The following PRKCA variants were observed in gnomAD, a reference collection of about 807,000 sequenced individuals.
The protein encoded by PRKCA is protein kinase C alpha type.
Under a neutral mutation model 87.0 loss-of-function variants are expected in PRKCA, and 27 were observed. That is an observed-to-expected ratio of 0.31 (90% confidence interval 0.23 to 0.43). The LOEUF (loss-of-function observed/expected upper bound fraction) is 0.43. Ranked by LOEUF, PRKCA falls within the 20% of genes least tolerant of loss-of-function variation. The pLI, the probability that PRKCA is intolerant of heterozygous loss-of-function variation, is 1.00. For missense variants in PRKCA, 518 were observed against 852.3 expected (o/e 0.61, Z 4.88); for synonymous variants, 329 against 311.1 (o/e 1.06, Z -0.61).
intron 3 of PRKCA, among the ~76,000 whole-genome samples, chr17:66,515,135 A>G (rs1966924090): frequency 6.6e-6 from 1 of 152,052 alleles, no homozygotes; most frequent in Admixed American, 6.5e-5. Flanking sequence ...CTGCGCCTCT[A>G]GTCCCAGCTA....
chr17:66,532,540 A>AT (rs925532986), intron 3 of PRKCA, among the ~76,000 whole-genome samples: 1 of 151,494 alleles, frequency 6.6e-6, no homozygotes, highest in Non-Finnish European at 1.5e-5. Flanking sequence ...TAATTTTTGT[A>AT]TTTTTAGTAG....
At chr17:66,768,262 G>GT (rs1555647117) in intron 13 of PRKCA, among the ~76,000 whole-genome samples, 14 of 77,788 alleles carry the variant, frequency 1.8e-4, no homozygotes, top group South Asian at 1.1e-3. Context: ...TTTTTTTTTT[G>GT]GGGGGGAGAG....
intron 8 of PRKCA, among the ~76,000 whole-genome samples, chr17:66,691,128 G>A (rs1296227642): frequency 6.6e-6 from 1 of 152,164 alleles, no homozygotes; most frequent in African/African-American, 2.4e-5. Context: ...GCAACAAAGT[G>A]AGACCCTGAC....
chr17:66,520,849 C>T (rs1364951654), intron 3 of PRKCA, among the ~76,000 whole-genome samples: 1 of 152,230 alleles, frequency 6.6e-6, no homozygotes, highest in Non-Finnish European at 1.5e-5. Context: ...TCCAGTACCA[C>T]TTGCCACTGC....
At chr17:66,508,385 G>A (rs912141443) in intron 3 of PRKCA, among the ~76,000 whole-genome samples, 1 of 152,216 alleles carries the variant, frequency 6.6e-6, no homozygotes, top group Non-Finnish European at 1.5e-5. Context: ...CTGCCGTTGG[G>A]CGTTGCCGTG....
intron 3 of PRKCA, among the ~76,000 whole-genome samples, chr17:66,570,731 G>A (rs1969057231): frequency 6.6e-6 from 1 of 152,166 alleles, no homozygotes; most frequent in Admixed American, 6.5e-5. Context: ...CTCGTCTGGA[G>A]CTGTGTATTT....
chr17:66,670,136 C>T (rs1478108273), intron 5 of PRKCA, among the ~76,000 whole-genome samples: 1 of 152,130 alleles, frequency 6.6e-6, no homozygotes, highest in East Asian at 1.9e-4. Context: ...GGCATATTCT[C>T]AGAGATGCAA....
At chr17:66,566,480 G>GTTTTTTTTT (rs56912157) in intron 3 of PRKCA, among the ~76,000 whole-genome samples, 18 of 97,016 alleles carry the variant, frequency 1.9e-4, no homozygotes, top group Non-Finnish European at 2.0e-4. Flanking sequence ...TTGTTTTTTG[G>GTTTTTTTTT]TTTTTTTTTT....
chr17:66,390,535 A>G (rs1304897139), intron 2 of PRKCA, among the ~76,000 whole-genome samples: 2 of 152,184 alleles, frequency 1.3e-5, no homozygotes, highest in South Asian at 4.1e-4. Flanking sequence ...TGTCAGTAGC[A>G]TCTGCGGTTA....
intron 8 of PRKCA, among the ~76,000 whole-genome samples, chr17:66,705,586 G>C (rs1389344831): frequency 6.6e-6 from 1 of 152,190 alleles, no homozygotes; most frequent in East Asian, 1.9e-4. Flanking sequence ...TGGCCTTGTG[G>C]GTGGATGTTG....
Position 66,805,131 on chromosome 17 carries a change from A to G in PRKCA, c.*1094A>G, listed in dbSNP as rs1341088518. 6.0e-5 allele frequency: 59 copies of G among 983,934 alleles called. No individual in the cohort carries two copies. The highest frequency in any genetic ancestry group is 6.4e-5 in the Non-Finnish European group (53 of 828,648). The allele number at this position is 983,934 out of a possible 1,614,324, so 61.0% of individuals were successfully genotyped here. On this transcript the variant is annotated 3_prime_UTR_variant, in exon 17 of 17. Coordinates refer to ENST00000413366, the MANE Select transcript of PRKCA (RefSeq NM_002737.3). ...TAGCCCTGGATGTCCACTTAGGGAT[A>G]AAAAGAATATGGTTTTGGTTCCCAT...
At chr17:66,578,840 C>T (rs1034469707) in intron 3 of PRKCA, among the ~76,000 whole-genome samples, 2 of 152,202 alleles carry the variant, frequency 1.3e-5, no homozygotes, top group African/African-American at 2.4e-5. Context: ...CCTCGGGCCC[C>T]CTTGCACTGT....
chr17:66,495,562 A>ATTTTATTTTTTTTTATTTTTTTTATT (rs1567858259), intron 2 of PRKCA, among the ~76,000 whole-genome samples: 1 of 146,828 alleles, frequency 6.8e-6, no homozygotes, highest in African/African-American at 2.7e-5. Context: ...ATTTTATTTT[A>ATTTTATTTTTTTTTATTTTTTTTATT]TTTTTTGAGA....
At chr17:66,619,448 G>T (rs1346050892) in intron 3 of PRKCA, among the ~76,000 whole-genome samples, 1 of 152,188 alleles carries the variant, frequency 6.6e-6, no homozygotes. Context: ...GGGCTGTTGG[G>T]TTTTTTCCTC....
Position 66,741,737 on chromosome 17 carries a change from C to G in PRKCA, c.1385+16C>G. 1.2e-6 allele frequency: 2 copies of G among 1,612,760 alleles called. No homozygotes were observed. Among genetic ancestry groups the G allele is most frequent in the Non-Finnish European group, 1.7e-6 (2 of 1,179,020 alleles). On this transcript the variant is annotated intron_variant, in intron 12 of 16. Transcript: ENST00000413366. The stretch of plus-strand genomic sequence containing the variant: ...TCATTTATAGGTGTGTATTGAAGCC[C>G]TCCTACCAGCAGCTCAGCAGAGAGG...
At chr17:66,588,081 T>C (rs1350921490) in intron 3 of PRKCA, among the ~76,000 whole-genome samples, 1 of 151,930 alleles carries the variant, frequency 6.6e-6, no homozygotes, top group Non-Finnish European at 1.5e-5. Flanking sequence ...CAATTTACAT[T>C]CCACCAGCAG....
At position 66,511,012 on chromosome 17, in the gene PRKCA, A is replaced by G. The variant is rs535946091; in HGVS notation, c.288+14729A>G. The stretch of plus-strand genomic sequence containing the variant: ...TCTGCCCACCCCTGCTCCCCAAATA[A>G]CGTATTTTAAAACATACAGATTATA... On this transcript the variant is annotated intron_variant, in intron 3 of 16. Coordinates refer to ENST00000413366, the MANE Select transcript of PRKCA (RefSeq NM_002737.3). Among the ~76,000 whole-genome samples the G allele has an allele frequency of 1.4e-4, 21 of 152,160 alleles. No homozygotes were observed. In the South Asian group the frequency reaches 4.2e-3, roughly 30 times the overall value.
chr17:66,624,857 G>C (rs1346230745), intron 3 of PRKCA, among the ~76,000 whole-genome samples: 1 of 151,756 alleles, frequency 6.6e-6, no homozygotes, highest in Non-Finnish European at 1.5e-5. Flanking sequence ...TGCATCATTA[G>C]AAAAAAATTA....
At chr17:66,630,965 G>A (rs536477441) in intron 3 of PRKCA, among the ~76,000 whole-genome samples, 1 of 152,134 alleles carries the variant, frequency 6.6e-6, no homozygotes, top group African/African-American at 2.4e-5. Context: ...TTGACTTCCA[G>A]ATTGGCCATG....
Sources: gnomAD v4.1 joint callset for allele counts (sites outside exome capture counted in the v4.1 genomes callset) on GRCh38, gnomAD v4.1.1 for gene constraint, MANE v1.5 for transcripts, NCBI Gene and HGNC (gene_info 2026-07-23, HGNC 2026-07-21) for gene names.